The following HDAC10 variants were observed in gnomAD, a reference collection of about 807,000 sequenced individuals.
The protein encoded by HDAC10 is histone deacetylase 10.
HDAC10 carries 90 observed loss-of-function variants against 82.3 expected under a neutral mutation model. The observed-to-expected ratio is 1.09, with a 90% CI of 0.92 to 1.30. The LOEUF is 1.30. HDAC10 is among the 50% of genes most tolerant of loss of function. HDAC10 has a pLI of 0.00. For synonymous variants in HDAC10, 456 were observed against 391.7 expected, an observed-to-expected ratio of 1.16 and a Z score of -1.94; for missense variants, 934 against 876.3, an observed-to-expected ratio of 1.07 and a Z score of -0.83.
In HDAC10 at chr22:50,251,163, C is replaced by T. The variant is rs1225778629; in HGVS notation, c.-131G>A. On this transcript the variant is annotated 5_prime_UTR_variant, in exon 1 of 20. Coordinates refer to ENST00000216271, the MANE Select transcript of HDAC10 (RefSeq NM_032019.6). ...TGGGGCGCAGGCGGGCGGCGGGCAC[C>T]GGCCTGGGCGGGAGCGCACAGAACC... is the stretch of plus-strand genomic sequence containing the variant. 9.8e-6 allele frequency: 9 copies of T among 923,062 alleles called. No homozygotes were observed. The highest frequency in any genetic ancestry group is 1.7e-5 in the African/African-American group (1 of 59,944). The allele number at this position is 923,062 out of a possible 1,614,324, so 57.2% of individuals were successfully genotyped here. A position where few individuals can be genotyped will look rare whatever the true frequency, so the allele number is the denominator to read the frequency against.
At chr22:50,247,848 T>C (rs764434873) in intron 13 of HDAC10, 42 bp downstream of exon 13, 2 of 1,612,610 alleles carry the variant, frequency 1.2e-6, no homozygotes, top group Non-Finnish European at 1.7e-6. Flanking sequence ...GGCACAGGTG[T>C]AGATGCGGCC....
In HDAC10 at chr22:50,250,180, G is replaced by A; in HGVS notation, c.292-20C>T. On this transcript the variant is annotated intron_variant, in intron 3 of 19. Coordinates refer to ENST00000216271, the MANE Select transcript of HDAC10 (RefSeq NM_032019.6). ...GGTACTCTGTGGGCGCAGGGGCGCAGATGAGCCCCCTGCCTTCCCTGCTGC... is the reference window on the plus strand; with the variant it reads ...GGTACTCTGTGGGCGCAGGGGCGCAAATGAGCCCCCTGCCTTCCCTGCTGC... 6.3e-7 allele frequency: 1 copy of A among 1,599,898 alleles called. No homozygotes were observed. Among genetic ancestry groups the A allele is most frequent in the Non-Finnish European group, 8.5e-7 (1 of 1,171,212 alleles).
rs1342253461 is a variant in HDAC10, at chr22:50,248,090, T to C, written c.1137A>G (p.Pro379=). 1.4e-5 allele frequency: 22 copies of C among 1,597,694 alleles called. 2 individuals are homozygous for C. The South Asian group carries it at 2.3e-4, about 17-fold the overall frequency. The change falls in exon 13 of 20, where the codon CCA becomes CCG. Residue 379 remains proline, a synonymous_variant. Transcript: ENST00000216271. The surrounding 1 kb of genome is among the most constrained non-coding windows in gnomAD (Gnocchi z 5.4). Reference sequence around the variant, plus strand: ...ACACTGGACCCCCAGGCAGCAGAGGTGGAGGCCTCCCCTCTGGGGAGTGGC... The same window carrying C: ...ACACTGGACCCCCAGGCAGCAGAGGCGGAGGCCTCCCCTCTGGGGAGTGGC... ...PSSHSPEGRP[P]PLLPGGPVCK...
At position 50,250,537 on chromosome 22, in the gene HDAC10, G is replaced by C. The variant is rs562593274; in HGVS notation, c.195-14C>G. The C allele has an allele frequency of 6.2e-7, 1 of 1,602,824 alleles. No individual in the cohort carries two copies. ...ACATACTCTGGGCTGCATGCAGATG[G>C]GCAGGCAGGAGAGGCAGGGTCACCA... On this transcript the variant is annotated splice_polypyrimidine_tract_variant and intron_variant, in intron 2 of 19. Transcript: ENST00000216271.
chr22:50,250,001 T>G (rs2065047060), intron 4 of HDAC10, 37 bp from the exon 5 acceptor site: 1 of 1,608,604 alleles, frequency 6.2e-7, no homozygotes, highest in South Asian at 1.1e-5. Flanking sequence ...CACGTCAGGG[T>G]CGCCCTGGCC....
In HDAC10 at chr22:50,249,469, C is replaced by G. The variant is rs367563056; in HGVS notation, c.564-15G>C. ...AGTAAAGGACGCTGCCAACAGCCAG[C>G]CAGGGCCAGAGGTCAAAGGTCAGGA... On this transcript the variant is annotated splice_polypyrimidine_tract_variant and intron_variant, in intron 6 of 19. Transcript: ENST00000216271. This position sits in a 1 kb window ranked among gnomAD's most constrained non-coding sequence, Gnocchi z 4.4. The G allele has an allele frequency of 4.5e-5, 73 of 1,612,258 alleles. No individual in the cohort carries two copies. In the African/African-American group the frequency reaches 9.1e-4, roughly 20 times the overall value.
rs1340353034 is a variant in HDAC10, at chr22:50,245,716, A to G, written c.1945T>C (p.Tyr649His). The G allele has an allele frequency of 6.2e-7, 1 of 1,613,220 alleles. No individual in the cohort carries two copies. The highest frequency in any genetic ancestry group is 1.1e-5 in the South Asian group (1 of 91,062). ...TGAGGCTCCAGCTGCCCTCTCAGGT[A>G]CATCAGGGCCTGGACGTCCTCTGGG... ...ASPEDVQALM[Y>H]LRGQLEPQWK... The change falls in exon 19 of 20, where the codon TAC (tyrosine) becomes CAC (histidine). Residue 649 changes from tyrosine (Y) to histidine (H), a missense_variant. By Grantham distance (83) the Tyr-to-His change is moderately conservative. Transcript: ENST00000216271.
Position 50,249,761 on chromosome 22 carries a change from G to A in HDAC10, c.495-58C>T. On this transcript the variant is annotated intron_variant, in intron 5 of 19. Transcript: ENST00000216271. The surrounding 1 kb of genome is among the most constrained non-coding windows in gnomAD (Gnocchi z 4.4). ...AGGGCCTCCCACCTCCAGGAGCCCG[G>A]CCAGGGATGGGAAGGTGCTGGCTGG... The A allele has an allele frequency of 6.2e-7, 1 of 1,608,376 alleles. No individual in the cohort carries two copies. Among genetic ancestry groups the A allele is most frequent in the Non-Finnish European group, 8.5e-7 (1 of 1,177,054 alleles).
rs765344720 is a variant in HDAC10, at chr22:50,247,947, G to A, written c.1280C>T (p.Pro427Leu). Residue 427 changes from proline (P) to leucine (L), a missense_variant, in exon 13 of 20, where the codon CCT becomes CTT. Pro to Leu is a moderately conservative substitution (Grantham distance 98, BLOSUM62 -3). Transcript: ENST00000216271. ...TGACGCTTCCTGTTGGATGACGTCAGGGGGCAGAACCAATGTGATATCCGG... is the reference window on the plus strand; with the variant it reads ...TGACGCTTCCTGTTGGATGACGTCAAGGGGCAGAACCAATGTGATATCCGG... ...TTPDITLVLPPDVIQQEASAL... is the reference protein window; with the variant it reads ...TTPDITLVLPLDVIQQEASAL... 30 of 1,612,854 alleles carry A rather than the reference G, an allele frequency of 1.9e-5. No individual in the cohort carries two copies. Among genetic ancestry groups the A allele is most frequent in the Non-Finnish European group, 2.2e-5 (26 of 1,179,976 alleles).
At chr22:50,247,242 G>T in intron 14 of HDAC10, 1 of 372,620 alleles carries the variant, frequency 2.7e-6, no homozygotes, top group Non-Finnish European at 4.8e-6. Flanking sequence ...GGGCTTAAGC[G>T]ATCGTCCTGC....
chr22:50,249,231 G>GC lies in HDAC10; in HGVS notation c.691-64_691-63insG, dbSNP rs1555912231. On this transcript the variant is annotated intron_variant, in intron 7 of 19. Transcript: ENST00000216271. This position sits in a 1 kb window ranked among gnomAD's most constrained non-coding sequence, Gnocchi z 4.4. ...GCAGGGGAGGGGCCCGGGGGAGGGG[G>GC]TGGGTGGGGACCTGGGGCTTGAGGG... 0.02 allele frequency: 26,671 copies of GC among 1,306,336 alleles called. 2,005 individuals are homozygous for GC. The highest frequency in any genetic ancestry group is 0.093 in the East Asian group (3,611 of 38,894). 80.9% of individuals were successfully genotyped at this position (1,306,336 alleles called of 1,614,324 possible). A position where few individuals can be genotyped will look rare whatever the true frequency, so the allele number is the denominator to read the frequency against.
chr22:50,250,428 G>A lies in HDAC10; in HGVS notation c.290C>T (p.Pro97Leu), dbSNP rs377256255. 59 of 1,612,654 alleles carry A rather than the reference G, an allele frequency of 3.7e-5. No homozygotes were observed. Among genetic ancestry groups the A allele is most frequent in the Middle Eastern group, 1.7e-4 (1 of 6,060 alleles). The change falls in exon 3 of 20, where the codon CCG (proline) becomes CTG (leucine). Residue 97 changes from proline to leucine, a missense_variant and splice_region_variant. Transcript: ENST00000216271. ...GTGAGTGTGTCCGGGGACACGCACC[G>A]GGTGGAAGTAGATGGCGTCGAACTG... ...SGQFDAIYFH[P>L]STFHCARLAA... is the part of the protein sequence containing the mutation.
rs1396236132 is a variant in HDAC10, at chr22:50,248,416, CA to C, written c.962del (p.Leu321ArgfsTer20). On this transcript the variant is annotated frameshift_variant, in exon 11 of 20. Transcript: ENST00000216271. LOFTEE classifies it high-confidence loss of function. This position sits in a 1 kb window ranked among gnomAD's most constrained non-coding sequence, Gnocchi z 5.4. ...ACAGGGGTGGGGCCGGGTCACCCAG[CA>C]GCGTCTGTACTGTCATGCACACTGA... ...AESVCMTVQT[L>X]LGDPAPPLSG... The C allele has an allele frequency of 6.2e-7, 1 of 1,608,888 alleles. No individual in the cohort carries two copies. Among genetic ancestry groups the C allele is most frequent in the East Asian group, 2.2e-5 (1 of 44,890 alleles).
rs148308549 is a variant in HDAC10 at position 50,250,480 on chromosome 22, T to C, written c.238A>G (p.Lys80Glu). Residue 80 changes from lysine to glutamate, a missense_variant, in exon 3 of 20, where the codon AAG (lysine) becomes GAG (glutamate). By Grantham distance (56) the Lys-to-Glu change is moderately conservative. Coordinates refer to ENST00000216271, the MANE Select transcript of HDAC10 (RefSeq NM_032019.6). Reference protein sequence around the residue: ...SLVRETQVLGKEELQALSGQF... With the variant: ...SLVRETQVLGEEELQALSGQF... The stretch of plus-strand genomic sequence containing the variant: ...CCGGACAGCGCCTGCAGCTCCTCCT[T>C]GCCTAGGACCTGGGTCTCCCTGACC... 252 of 1,612,670 alleles carry C rather than the reference T, an allele frequency of 1.6e-4. No homozygotes were observed. Among genetic ancestry groups the C allele is most frequent in the Middle Eastern group, 9.9e-4 (6 of 6,058 alleles).
chr22:50,250,117 T>C lies in HDAC10; in HGVS notation c.335A>G (p.Gln112Arg). 6.2e-7 allele frequency: 1 copy of C among 1,612,706 alleles called. No homozygotes were observed. The change falls in exon 4 of 20, where the codon CAG becomes CGG. Residue 112 changes from glutamine (Q) to arginine (R), a missense_variant. Gln to Arg is a conservative substitution (Grantham distance 43, BLOSUM62 1). Transcript: ENST00000216271. ...TCCAGTGAGCACAGCGTCCACCAGC[T>C]GCAGTCCAGCCCCTGCGGCCAGCCG... is the stretch of plus-strand genomic sequence containing the variant. The part of the protein sequence containing the change: ...CARLAAGAGL[Q>R]LVDAVLTGAV...
chr22:50,245,909 C>A lies in HDAC10; in HGVS notation c.1833+1G>T, dbSNP rs373054489. ...CAGCACCTCCACCCTGCCCAGCTTACCTCCTCCAGGAGGGCCAGGACTCGG... is the reference window on the plus strand; with the variant it reads ...CAGCACCTCCACCCTGCCCAGCTTAACTCCTCCAGGAGGGCCAGGACTCGG... On this transcript the variant is annotated splice_donor_variant, in intron 18 of 19. Transcript: ENST00000216271. LOFTEE classifies it high-confidence loss of function. 34 of 1,572,214 alleles carry A rather than the reference C, an allele frequency of 2.2e-5. No homozygotes were observed. The highest frequency in any genetic ancestry group is 2.9e-5 in the Non-Finnish European group (34 of 1,159,230).
At position 50,250,625 on chromosome 22, in the gene HDAC10, C is replaced by T. The variant is rs571950102; in HGVS notation, c.195-102G>A. On this transcript the variant is annotated intron_variant, in intron 2 of 19. Coordinates refer to ENST00000216271, the MANE Select transcript of HDAC10 (RefSeq NM_032019.6). ...CATGGTGGGAGTGGCCACCCTGTCACTTCCTCAAGCCTGTGAGCCCACCCG... is the reference window on the plus strand; with the variant it reads ...CATGGTGGGAGTGGCCACCCTGTCATTTCCTCAAGCCTGTGAGCCCACCCG... 9 of 1,322,850 alleles carry T rather than the reference C, an allele frequency of 6.8e-6. No homozygotes were observed. The South Asian group carries it at 1.0e-4, about 15-fold the overall frequency. 81.9% of individuals were successfully genotyped at this position (1,322,850 alleles called of 1,614,324 possible).
rs1248426890 is a variant in HDAC10, at chr22:50,246,731, G to A, written c.1519C>T (p.Leu507=). The A allele has an allele frequency of 6.2e-7, 1 of 1,612,534 alleles. No individual in the cohort carries two copies. Among genetic ancestry groups the A allele is most frequent in the Non-Finnish European group, 8.5e-7 (1 of 1,179,958 alleles). ...TCCAGCTGTCCCAGGGCCACGCACA[G>A]CAGCCTGGAAGAAGAGCTGGCCTCA... is the stretch of plus-strand genomic sequence containing the variant. ...RGLSHGAQRL[L]CVALGQLDRP... Residue 507 remains leucine (L), a synonymous_variant, in exon 16 of 20, where the codon CTG becomes TTG. Coordinates refer to ENST00000216271, the MANE Select transcript of HDAC10 (RefSeq NM_032019.6).
At chr22:50,250,269 C>T in intron 3 of HDAC10, 109 bp from the exon 4 acceptor site, 4 of 1,257,736 alleles carry the variant, frequency 3.2e-6, no homozygotes, top group Middle Eastern at 1.9e-4. Context: ...GCAGAACAGG[C>T]CAGCCCCAGG....
Sources: allele counts gnomAD v4.1 joint callset, GRCh38; gene constraint gnomAD v4.1.1; non-coding constraint Gnocchi (gnomAD v3.1); transcripts MANE v1.5; gene names NCBI Gene and HGNC (gene_info 2026-07-23, HGNC 2026-07-21).